Variants in RGS7BP observed in about 807,000 individuals in gnomAD.
RGS7BP encodes regulator of G protein signaling 7-binding protein.
In RGS7BP, 9 loss-of-function variants were observed where a neutral mutation model predicts 31.3. That is an observed-to-expected ratio of 0.29 (90% confidence interval 0.17 to 0.50). The LOEUF (loss-of-function observed/expected upper bound fraction) is 0.50, where lower values mean the gene tolerates loss of function less well. RGS7BP is among the 20% of genes least tolerant of loss of function. RGS7BP has a pLI of 0.98. For missense variants in RGS7BP, 274 were observed against 322.0 expected, an observed-to-expected ratio of 0.85 and a Z score of 1.14; for synonymous variants, 115 against 120.1, an observed-to-expected ratio of 0.96 and a Z score of 0.28.
At chr5:64,599,971 G>C (rs991753500) in intron 5 of RGS7BP, among the ~76,000 whole-genome samples, 20 of 152,134 alleles carry the variant, frequency 1.3e-4, no homozygotes, top group African/African-American at 4.8e-4. Context: ...TACTATTATT[G>C]TTGTCACTGT....
At chr5:64,588,088 T>C (rs560516712) in intron 3 of RGS7BP, among the ~76,000 whole-genome samples, 2 of 152,210 alleles carry the variant, frequency 1.3e-5, no homozygotes, top group Non-Finnish European at 2.9e-5. Context: ...ATATATGTGA[T>C]CAATATATGC....
chr5:64,525,841 T>C (rs1429632624), intron 2 of RGS7BP, among the ~76,000 whole-genome samples: 2 of 152,220 alleles, frequency 1.3e-5, no homozygotes, highest in Non-Finnish European at 2.9e-5. Context: ...AATGGACATC[T>C]ATCTCCTCCA....
intron 2 of RGS7BP, among the ~76,000 whole-genome samples, chr5:64,517,514 G>T (rs1361409316): frequency 6.6e-6 from 1 of 152,092 alleles, no homozygotes; most frequent in Non-Finnish European, 1.5e-5. Context: ...GTGTGTAACA[G>T]AGTGACCCTA....
At chr5:64,581,272 C>T (rs1742589545) in intron 3 of RGS7BP, among the ~76,000 whole-genome samples, 1 of 152,068 alleles carries the variant, frequency 6.6e-6, no homozygotes, top group Non-Finnish European at 1.5e-5. Flanking sequence ...AACTCTTTTC[C>T]CTCTGTGTGA....
intron 2 of RGS7BP, among the ~76,000 whole-genome samples, chr5:64,568,598 C>T (rs747923284): frequency 6.6e-6 from 1 of 151,994 alleles, no homozygotes; most frequent in Non-Finnish European, 1.5e-5. Context: ...CCACCAATGC[C>T]CTGAGAAATG....
At position 64,610,178 on chromosome 5, in the gene RGS7BP, A is replaced by G. The variant is rs1394791389; in HGVS notation, c.*926A>G. The G allele has an allele frequency of 2.0e-5, 3 of 152,462 alleles. No homozygotes were observed. The highest frequency in any genetic ancestry group is 4.4e-5 in the Non-Finnish European group (3 of 67,944). 9.4% of individuals were successfully genotyped at this position (152,462 alleles called of 1,614,324 possible). On this transcript the variant is annotated 3_prime_UTR_variant, in exon 6 of 6. Transcript: ENST00000334025. ...ATATTTAACATTTTACATTGTTAAT[A>G]AAGTTTTTTAGTTAAGCTAAGCTTG...
chr5:64,538,546 C>CTT (rs1191560944), intron 2 of RGS7BP, among the ~76,000 whole-genome samples: 3,210 of 40,066 alleles, frequency 0.08, 712 homozygotes, highest in East Asian at 0.17. Context: ...TTTTCCTTTT[C>CTT]TTTTTTTTTT....
chr5:64,582,850 G>A (rs1219986927), intron 3 of RGS7BP, among the ~76,000 whole-genome samples: 4 of 151,998 alleles, frequency 2.6e-5, no homozygotes, highest in African/African-American at 9.7e-5. Flanking sequence ...TAAAGGAGGT[G>A]ATCCACATCA....
chr5:64,586,719 G>A (rs777691880), intron 3 of RGS7BP, among the ~76,000 whole-genome samples: 1 of 152,236 alleles, frequency 6.6e-6, no homozygotes, highest in Non-Finnish European at 1.5e-5. Context: ...GCCTCAGGCA[G>A]AGTAAAGTTT....
chr5:64,573,503 A>G (rs1048573323), intron 2 of RGS7BP: 4 of 152,084 alleles, frequency 2.6e-5, no homozygotes, highest in Admixed American at 1.3e-4. Context: ...CACTCATAAA[A>G]TGTACAATAC....
intron 2 of RGS7BP, among the ~76,000 whole-genome samples, chr5:64,528,652 A>T (rs1330119751): frequency 2.0e-5 from 3 of 151,836 alleles, no homozygotes; most frequent in Admixed American, 6.6e-5. Flanking sequence ...TCTTTACTAA[A>T]ATACAAAAAT....
chr5:64,525,492 G>A, intron 2 of RGS7BP, among the ~76,000 whole-genome samples: 1 of 152,226 alleles, frequency 6.6e-6, no homozygotes, highest in East Asian at 1.9e-4. Context: ...CTGAAAGGGT[G>A]GACCCCACTA....
intron 2 of RGS7BP, among the ~76,000 whole-genome samples, chr5:64,512,034 C>T (rs1289983832): frequency 6.6e-6 from 1 of 152,152 alleles, no homozygotes; most frequent in Admixed American, 6.5e-5. Context: ...GAGAGATGAG[C>T]ACAGCATACA....
At chr5:64,599,849 C>A (rs1299508171) in intron 5 of RGS7BP, among the ~76,000 whole-genome samples, 1 of 152,202 alleles carries the variant, frequency 6.6e-6, no homozygotes, top group African/African-American at 2.4e-5. Flanking sequence ...TTTCCTCATC[C>A]CTGCAAAGGG....
chr5:64,516,779 C>T (rs1276664124), intron 2 of RGS7BP, among the ~76,000 whole-genome samples: 1 of 152,112 alleles, frequency 6.6e-6, no homozygotes, highest in Non-Finnish European at 1.5e-5. Context: ...CCTAGAATAG[C>T]GATTCTCAAC....
chr5:64,547,062 T>C (rs1741675960), intron 2 of RGS7BP, among the ~76,000 whole-genome samples: 1 of 152,260 alleles, frequency 6.6e-6, no homozygotes, highest in Non-Finnish European at 1.5e-5. Context: ...ATCCATGTGT[T>C]GCAAGTAGCA....
In RGS7BP at chr5:64,578,308, A is replaced by G. The variant is rs79634239; in HGVS notation, c.463+2404A>G. Among the ~76,000 whole-genome samples the G allele has an allele frequency of 5.1e-3, 781 of 152,334 alleles. 8 individuals carry two copies. Among genetic ancestry groups the G allele is most frequent in the African/African-American group, 0.018 (755 of 41,578 alleles). ...TCTGTGTACAACTCGTAAAAAGAAA[A>G]TACCTGATAGTACCTTTGATTTCTC... On this transcript the variant is annotated intron_variant, in intron 3 of 5. Coordinates refer to ENST00000334025, the MANE Select transcript of RGS7BP (RefSeq NM_001029875.3).
intron 3 of RGS7BP, among the ~76,000 whole-genome samples, chr5:64,589,311 A>AC (rs1742845428): frequency 6.6e-6 from 1 of 152,032 alleles, no homozygotes; most frequent in African/African-American, 2.4e-5. Flanking sequence ...AAAACAAAAA[A>AC]AAAAGTTACA....
chr5:64,579,426 C>T (rs185033637), intron 3 of RGS7BP, among the ~76,000 whole-genome samples: 3 of 151,130 alleles, frequency 2.0e-5, no homozygotes, highest in Non-Finnish European at 4.4e-5. Flanking sequence ...TGCCTGTAAT[C>T]CCAGCTACTC....
Sources: allele counts gnomAD v4.1 joint callset (sites outside exome capture counted in the v4.1 genomes callset), GRCh38; gene constraint gnomAD v4.1.1; transcripts MANE v1.5; gene names NCBI Gene and HGNC (gene_info 2026-07-23, HGNC 2026-07-21).